BAHCC1: variants seen among roughly 807,000 people sequenced by gnomAD.
BAHCC1 encodes BAH domain and coiled-coil containing 1.
In BAHCC1, 43 loss-of-function variants were observed where a neutral mutation model predicts 88.2. The observed-to-expected ratio is 0.49, with a 90% confidence interval of 0.38 to 0.63. The LOEUF (loss-of-function observed/expected upper bound fraction) is 0.63, where lower values mean the gene tolerates loss of function less well. Ranked by LOEUF, BAHCC1 falls within the 20% of genes least tolerant of loss-of-function variation. The pLI, the probability that BAHCC1 is intolerant of heterozygous loss-of-function variation, is 0.00. For synonymous variants in BAHCC1, 1,510 were observed against 745.5 expected (o/e 2.03, Z -16.71); for missense variants, 3,023 against 1,654.8 (o/e 1.83, Z -14.34).
chr17:81,458,665 C>T lies in BAHCC1; in HGVS notation c.5388C>T (p.Ala1796=), dbSNP rs781934200. The T allele has an allele frequency of 6.9e-6, 5 of 722,562 alleles. No homozygotes were observed. Among genetic ancestry groups the T allele is most frequent in the Middle Eastern group, 2.3e-4 (1 of 4,386 alleles). 44.8% of individuals were successfully genotyped at this position (722,562 alleles called of 1,614,324 possible). ...CCATCACGCTGGCCACACGCAACGC[C>T]AAGGCCATCCTGGGGAAGGGCCGGA... The part of the protein sequence containing the change: ...ALSITLATRN[A]KAILGKGRKL... Residue 1796 remains alanine, a synonymous_variant, in exon 19 of 28, where the codon GCC becomes GCT. Transcript: ENST00000675386.
At chr17:81,453,279 G>A (rs918975411) in intron 14 of BAHCC1, among the ~76,000 whole-genome samples, 5 of 152,220 alleles carry the variant, frequency 3.3e-5, no homozygotes, top group Admixed American at 6.5e-5. Flanking sequence ...TCCATTACCC[G>A]CCCGGCGCAG....
intron 2 of BAHCC1, among the ~76,000 whole-genome samples, chr17:81,412,685 C>T (rs539525560): frequency 1.3e-5 from 2 of 151,460 alleles, no homozygotes; most frequent in African/African-American, 4.8e-5. Context: ...CCGTCCGCGC[C>T]CCCCGCCCCA....
chr17:81,407,303 C>A (rs1192482286), intron 2 of BAHCC1: 2 of 517,836 alleles, frequency 3.9e-6, no homozygotes, highest in Non-Finnish European at 7.7e-6. Flanking sequence ...CTTGGGGTAC[C>A]CCACCAAAAA....
At chr17:81,428,587 C>T (rs1315721403) in intron 3 of BAHCC1, among the ~76,000 whole-genome samples, 4 of 152,336 alleles carry the variant, frequency 2.6e-5, no homozygotes, top group Admixed American at 2.6e-4. Context: ...CCCACTCCCT[C>T]CACCCACCCT....
Position 81,411,415 on chromosome 17 carries a change from G to T in BAHCC1, c.178+11498G>T, listed in dbSNP as rs2063948618. On this transcript the variant is annotated intron_variant, in intron 2 of 27. Coordinates refer to ENST00000675386, the MANE Select transcript of BAHCC1 (RefSeq NM_001377448.1). The surrounding 1 kb of genome is among the most constrained non-coding windows in gnomAD (Gnocchi z 6.2). The stretch of plus-strand genomic sequence containing the variant: ...CTCCATCCTCCACTGCATTCAAATT[G>T]ATCAGGGAGGGTGGGGTTGGGGGGG... 1.2e-5 allele frequency: 4 copies of T among 337,582 alleles called. No homozygotes were observed. Among genetic ancestry groups the T allele is most frequent in the Middle Eastern group, 1.0e-3 (1 of 984 alleles). The allele number at this position is 337,582 out of a possible 1,614,324, so 20.9% of individuals were successfully genotyped here.
Position 81,458,277 on chromosome 17 carries a change from G to A in BAHCC1, c.5154G>A (p.Ala1718=), listed in dbSNP as rs782071368. 1.3e-5 allele frequency: 10 copies of A among 748,488 alleles called. No individual in the cohort carries two copies. Among genetic ancestry groups the A allele is most frequent in the African/African-American group, 5.1e-5 (3 of 58,532 alleles). 46.4% of individuals were successfully genotyped at this position (748,488 alleles called of 1,614,324 possible). ...ERAPGQRPPG[A]LGKKKAKGKA... Reference sequence around the variant, plus strand: ...CCCCAGGGCAGAGGCCCCCAGGTGCGCTGGGCAAGAAGAAAGCCAAGGGCA... The same window carrying A: ...CCCCAGGGCAGAGGCCCCCAGGTGCACTGGGCAAGAAGAAAGCCAAGGGCA... The change falls in exon 18 of 28, where the codon GCG becomes GCA. Residue 1718 remains alanine (A), a synonymous_variant. Coordinates refer to ENST00000675386, the MANE Select transcript of BAHCC1 (RefSeq NM_001377448.1).
intron 2 of BAHCC1, among the ~76,000 whole-genome samples, chr17:81,408,184 A>G (rs782375038): frequency 9.2e-5 from 14 of 152,132 alleles, no homozygotes; most frequent in Non-Finnish European, 2.1e-4. Flanking sequence ...GGAGGAGGAC[A>G]TTCCCGTCAA....
At position 81,445,083 on chromosome 17, in the gene BAHCC1, C is replaced by G; in HGVS notation, c.2740C>G (p.Gln914Glu). Residue 914 changes from glutamine (Q) to glutamate (E), a missense_variant, in exon 9 of 28, where the codon CAG (glutamine) becomes GAG (glutamate). Physicochemically the swap from Gln to Glu is conservative, Grantham distance 29. Coordinates refer to ENST00000675386, the MANE Select transcript of BAHCC1 (RefSeq NM_001377448.1). ...YGGRGPASHMQHPGQLPVYSR... is the reference protein window; with the variant it reads ...YGGRGPASHMEHPGQLPVYSR... ...GGGCCGGGGCCCCGCCTCTCACATG[C>G]AGCACCCGGGCCAGCTCCCTGTGTA... The G allele has an allele frequency of 1.3e-6, 1 of 770,352 alleles. No individual in the cohort carries two copies. Among genetic ancestry groups the G allele is most frequent in the South Asian group, 1.4e-5 (1 of 72,794 alleles). The allele number at this position is 770,352 out of a possible 1,614,324, so 47.7% of individuals were successfully genotyped here.
In BAHCC1 at chr17:81,411,002, G is replaced by A; in HGVS notation, c.178+11085G>A. On this transcript the variant is annotated intron_variant, in intron 2 of 27. Coordinates refer to ENST00000675386, the MANE Select transcript of BAHCC1 (RefSeq NM_001377448.1). This position sits in a 1 kb window ranked among gnomAD's most constrained non-coding sequence, Gnocchi z 6.2. ...AAAGGAGGGCTTCGGAGCCGCACCT[G>A]GGTCTTTGTTGTCCATATGTCTGTG... 1 of 502,720 alleles carries A rather than the reference G, an allele frequency of 2.0e-6. No homozygotes were observed. The highest frequency in any genetic ancestry group is 2.1e-5 in the Admixed American group (1 of 48,660). 31.1% of individuals were successfully genotyped at this position (502,720 alleles called of 1,614,324 possible). A position where few individuals can be genotyped will look rare whatever the true frequency, so the allele number is the denominator to read the frequency against.
chr17:81,449,771 G>C (rs539293410), intron 11 of BAHCC1, among the ~76,000 whole-genome samples: 6 of 151,394 alleles, frequency 4.0e-5, no homozygotes, highest in African/African-American at 1.5e-4. Context: ...CTGTGGTCTC[G>C]GTCCAGAGCT....
At chr17:81,406,247 T>G (rs1326139606) in intron 2 of BAHCC1, among the ~76,000 whole-genome samples, 1 of 152,044 alleles carries the variant, frequency 6.6e-6, no homozygotes, top group African/African-American at 2.4e-5. Context: ...ACAGCCTCCT[T>G]GAGGGGAGAT....
chr17:81,444,659 G>C lies in BAHCC1; in HGVS notation c.2513-9G>C, dbSNP rs781859130. 4.8e-5 allele frequency: 37 copies of C among 770,500 alleles called. No homozygotes were observed. In the Middle Eastern group the frequency reaches 6.7e-4, roughly 14 times the overall value. The allele number at this position is 770,500 out of a possible 1,614,324, so 47.7% of individuals were successfully genotyped here. A position where few individuals can be genotyped will look rare whatever the true frequency, so the allele number is the denominator to read the frequency against. On this transcript the variant is annotated splice_polypyrimidine_tract_variant and intron_variant, in intron 7 of 27. Coordinates refer to ENST00000675386, the MANE Select transcript of BAHCC1 (RefSeq NM_001377448.1). ...GCGAGGCCTGACCACTGTGCCCTCT[G>C]CCTCCCAGGCCTGGGGCACCCTGCC...
At chr17:81,449,122 G>T (rs1259033164) in intron 11 of BAHCC1, among the ~76,000 whole-genome samples, 2 of 152,196 alleles carry the variant, frequency 1.3e-5, no homozygotes, top group African/African-American at 4.8e-5. Flanking sequence ...GAATACTCAT[G>T]TGTAGACCAC....
intron 2 of BAHCC1, chr17:81,406,879 C>A (rs577493395): frequency 2.2e-6 from 1 of 456,168 alleles, no homozygotes; most frequent in Non-Finnish European, 4.4e-6. Flanking sequence ...GGGAGCCAGC[C>A]GGGCTGGCAT....
chr17:81,411,752 C>T lies in BAHCC1; in HGVS notation c.178+11835C>T. On this transcript the variant is annotated intron_variant, in intron 2 of 27. Coordinates refer to ENST00000675386, the MANE Select transcript of BAHCC1 (RefSeq NM_001377448.1). This position sits in a 1 kb window ranked among gnomAD's most constrained non-coding sequence, Gnocchi z 6.2. The stretch of plus-strand genomic sequence containing the variant: ...CAGCATAGTCCTTGAGCTCTGGGGG[C>T]CCCAACCCAGCCTCCCTGGGTCTCT... The T allele has an allele frequency of 3.9e-6, 1 of 254,550 alleles. No homozygotes were observed. Among genetic ancestry groups the T allele is most frequent in the Non-Finnish European group, 7.9e-6 (1 of 126,674 alleles). 15.8% of individuals were successfully genotyped at this position (254,550 alleles called of 1,614,324 possible). A position where few individuals can be genotyped will look rare whatever the true frequency, so the allele number is the denominator to read the frequency against.
At chr17:81,423,541 C>G (rs1177525621) in intron 2 of BAHCC1, among the ~76,000 whole-genome samples, 1 of 152,192 alleles carries the variant, frequency 6.6e-6, no homozygotes, top group Non-Finnish European at 1.5e-5. Context: ...CCTCATACCC[C>G]TCTTTCCCGA....
intron 2 of BAHCC1, chr17:81,422,018 T>C: frequency 3.0e-6 from 1 of 332,580 alleles, no homozygotes; most frequent in African/African-American, 2.2e-5. Context: ...CTCGTGATTT[T>C]TTTTTTTCTT....
Position 81,449,252 on chromosome 17 carries a change from C to T in BAHCC1, c.3976+1404C>T, listed in dbSNP as rs1210350285. Among the ~76,000 whole-genome samples, 3 of 152,162 alleles carry T rather than the reference C, an allele frequency of 2.0e-5. No individual in the cohort carries two copies. In the South Asian group the frequency reaches 6.2e-4, roughly 31 times the overall value. On this transcript the variant is annotated intron_variant, in intron 11 of 27. Coordinates refer to ENST00000675386, the MANE Select transcript of BAHCC1 (RefSeq NM_001377448.1). ...TGGAGTCAGGGCCAGCTCTGCCCTC[C>T]GGGTCTCCACCTCATGGTCCCCCCC...
chr17:81,458,540 G>GCACTCCCCCA (rs2073733468), intron 18 of BAHCC1, 74 bp downstream of exon 18: 3 of 652,224 alleles, frequency 4.6e-6, no homozygotes, highest in Admixed American at 4.3e-5. Flanking sequence ...GCCCTCCCCC[G>GCACTCCCCCA]CACGCTGGCC....
Sources: gnomAD v4.1 joint callset for allele counts (sites outside exome capture counted in the v4.1 genomes callset) on GRCh38, gnomAD v4.1.1 for gene constraint, Gnocchi (gnomAD v3.1) non-coding constraint, MANE v1.5 for transcripts, NCBI Gene and HGNC (gene_info 2026-07-23, HGNC 2026-07-21) for gene names.